Variants in NLGN1 observed in about 807,000 individuals in gnomAD.
NLGN1 encodes neuroligin 1, also known as neuroligin-1.
A neutral mutation model predicts 65.5 loss-of-function variants in NLGN1; 12 were observed. That is an observed-to-expected ratio of 0.18 (90% CI 0.12 to 0.30). The LOEUF is 0.30. Ranked by LOEUF, NLGN1 falls within the 10% of genes least tolerant of loss-of-function variation. NLGN1 has a pLI of 1.00. For synonymous variants in NLGN1, 350 were observed against 359.5 expected (o/e 0.97, Z 0.30); for missense variants, 750 against 1,007.1 (o/e 0.74, Z 3.46).
intron 4 of NLGN1, among the ~76,000 whole-genome samples, chr3:173,883,637 A>T (rs534296027): frequency 6.6e-6 from 1 of 152,080 alleles, no homozygotes; most frequent in Non-Finnish European, 1.5e-5. Context: ...GTATGCCTGT[A>T]TATTTATGGT....
intron 4 of NLGN1, among the ~76,000 whole-genome samples, chr3:174,143,709 G>A (rs554017967): frequency 6.6e-6 from 1 of 152,120 alleles, no homozygotes; most frequent in East Asian, 1.9e-4. Context: ...TAAAATTACG[G>A]TCAGTCACTT....
Position 173,918,797 on chromosome 3 carries a change from C to T in NLGN1, c.646+110965C>T, listed in dbSNP as rs111508833. ...TTCCCATTGCTGTTGTAACAAATTACCACATATTTAGTGTTATAAAACAAC... is the reference window on the plus strand; with the variant it reads ...TTCCCATTGCTGTTGTAACAAATTATCACATATTTAGTGTTATAAAACAAC... On this transcript the variant is annotated intron_variant, in intron 4 of 6. Transcript: ENST00000457714. 5.6e-3 allele frequency among the ~76,000 whole-genome samples: 841 copies of T among 149,992 alleles called. 11 individuals are homozygous for T. Among genetic ancestry groups the T allele is most frequent in the African/African-American group, 0.02 (805 of 40,876 alleles).
intron 3 of NLGN1, among the ~76,000 whole-genome samples, chr3:173,770,989 C>G (rs1779493801): frequency 6.6e-6 from 1 of 152,178 alleles, no homozygotes; most frequent in African/African-American, 2.4e-5. Flanking sequence ...TGTGCTCACT[C>G]TGTTTCCTCA....
intron 3 of NLGN1, among the ~76,000 whole-genome samples, chr3:173,753,287 C>T (rs1312023190): frequency 6.6e-6 from 1 of 152,156 alleles, no homozygotes. Flanking sequence ...TTCTCCAACT[C>T]TACTTGGATA....
intron 2 of NLGN1, among the ~76,000 whole-genome samples, chr3:173,558,481 G>C (rs552894805): frequency 2.6e-5 from 4 of 152,010 alleles, no homozygotes; most frequent in Admixed American, 6.5e-5. Flanking sequence ...CATGTCACAG[G>C]CACTAAACTC....
intron 4 of NLGN1, among the ~76,000 whole-genome samples, chr3:174,194,006 A>G (rs1732891112): frequency 6.6e-6 from 1 of 152,190 alleles, no homozygotes; most frequent in Non-Finnish European, 1.5e-5. Flanking sequence ...GGAACACCAT[A>G]GCATACCATT....
chr3:174,055,779 G>A (rs1290343552), intron 4 of NLGN1, among the ~76,000 whole-genome samples: 1 of 151,934 alleles, frequency 6.6e-6, no homozygotes, highest in Non-Finnish European at 1.5e-5. Flanking sequence ...ACAATGCTTG[G>A]CATATTACAA....
intron 4 of NLGN1, among the ~76,000 whole-genome samples, chr3:173,830,009 G>GGT (rs1553863537): frequency 6.1e-4 from 37 of 60,546 alleles, no homozygotes; most frequent in Admixed American, 3.1e-3. Context: ...GGGTAGTGTG[G>GGT]GGGGGGGAGG....
exon 3 of NLGN1, chr3:173,604,593 G>C: frequency 6.2e-7 from 1 of 1,612,444 alleles, no homozygotes; most frequent in Non-Finnish European, 8.5e-7. Flanking sequence ...CAACTAATGT[G>C]GGACCATGGC....
At chr3:174,150,992 T>C (rs1007215225) in intron 4 of NLGN1, among the ~76,000 whole-genome samples, 1 of 150,316 alleles carries the variant, frequency 6.7e-6, no homozygotes, top group Non-Finnish European at 1.5e-5. Flanking sequence ...GTGGACACCC[T>C]CCTCTGCCTT....
intron 4 of NLGN1, among the ~76,000 whole-genome samples, chr3:174,201,718 C>G (rs1439195237): frequency 6.6e-6 from 1 of 152,144 alleles, no homozygotes; most frequent in Admixed American, 6.5e-5. Context: ...AAATGTCACC[C>G]AGCAGCATTG....
At position 173,694,740 on chromosome 3, in the gene NLGN1, A is replaced by G. The variant is rs531844773; in HGVS notation, c.493+89649A>G. ...TAAGCCTAGGGCTTACAGCACTTCT[A>G]TGCAATGGTCCTGATTGGAATATTA... On this transcript the variant is annotated intron_variant, in intron 3 of 6. Coordinates refer to ENST00000457714, the Ensembl canonical transcript of NLGN1. Among the ~76,000 whole-genome samples the G allele has an allele frequency of 4.6e-5, 7 of 152,304 alleles. No homozygotes were observed. The South Asian group carries it at 1.0e-3, about 23-fold the overall frequency.
chr3:174,090,647 A>T (rs1489374937), intron 4 of NLGN1, among the ~76,000 whole-genome samples: 1 of 152,192 alleles, frequency 6.6e-6, no homozygotes, highest in African/African-American at 2.4e-5. Context: ...AGTAAAACTC[A>T]GGTTGAATAT....
chr3:174,244,074 G>T (rs1743354606), intron 4 of NLGN1, among the ~76,000 whole-genome samples: 1 of 152,174 alleles, frequency 6.6e-6, no homozygotes, highest in Non-Finnish European at 1.5e-5. Flanking sequence ...ATAACTGACA[G>T]TAGACTCTTT....
intron 1 of NLGN1, among the ~76,000 whole-genome samples, chr3:173,411,142 GCCTCTT>G (rs1166858727): frequency 1.3e-5 from 2 of 152,212 alleles, no homozygotes; most frequent in African/African-American, 4.8e-5. Context: ...AAGATGTGCT[GCCTCTT>G]TGGCAGAAAA....
chr3:174,263,248 C>G (rs1747315485), intron 4 of NLGN1, among the ~76,000 whole-genome samples: 1 of 148,684 alleles, frequency 6.7e-6, no homozygotes, highest in African/African-American at 2.5e-5. Flanking sequence ...TGTTGACTTT[C>G]TGTCTCGTTG....
intron 4 of NLGN1, among the ~76,000 whole-genome samples, chr3:173,955,588 T>TATAG (rs1351177347): frequency 6.6e-6 from 1 of 152,152 alleles, no homozygotes; most frequent in Non-Finnish European, 1.5e-5. Flanking sequence ...CAAATAATAC[T>TATAG]ATAGATAGGT....
chr3:174,179,045 T>C lies in NLGN1; in HGVS notation c.647-96270T>C, dbSNP rs550341348. On this transcript the variant is annotated intron_variant, in intron 4 of 6. Coordinates refer to ENST00000457714, the Ensembl canonical transcript of NLGN1. ...TCAGTAGTTATTATTACCAGTGAAATTATGATAATCATATTGATGAGCCAA... is the reference window on the plus strand; with the variant it reads ...TCAGTAGTTATTATTACCAGTGAAACTATGATAATCATATTGATGAGCCAA... 3.0e-3 allele frequency among the ~76,000 whole-genome samples: 452 copies of C among 152,226 alleles called. 2 individuals are homozygous for C. The highest frequency in any genetic ancestry group is 0.01 in the African/African-American group (420 of 41,554).
chr3:173,438,789 A>T (rs1472594427), intron 2 of NLGN1, among the ~76,000 whole-genome samples: 1 of 152,158 alleles, frequency 6.6e-6, no homozygotes, highest in African/African-American at 2.4e-5. Flanking sequence ...CAGGGAGTTA[A>T]TGGGTACTGG....
Sources: gnomAD v4.1 joint callset for allele counts (sites outside exome capture counted in the v4.1 genomes callset) on GRCh38, gnomAD v4.1.1 for gene constraint, MANE v1.5 for transcripts, NCBI Gene and HGNC (gene_info 2026-07-23, HGNC 2026-07-21) for gene names.